NDUFAF1: variants seen among roughly 807,000 people sequenced by gnomAD.
NDUFAF1 encodes the protein complex I intermediate-associated protein 30, mitochondrial.
NDUFAF1 carries 18 observed loss-of-function variants against 28.7 expected under a neutral mutation model. The observed-to-expected ratio is 0.63, with a 90% confidence interval of 0.43 to 0.93. The LOEUF is 0.93. Ranked by LOEUF, NDUFAF1 falls within the 40% of genes least tolerant of loss-of-function variation. The pLI, the probability that NDUFAF1 is intolerant of heterozygous loss-of-function variation, is 0.00. For missense variants in NDUFAF1, 404 were observed against 398.3 expected (o/e 1.01, Z -0.12); for synonymous variants, 113 against 139.7 (o/e 0.81, Z 1.35).
intron 3 of NDUFAF1, chr15:41,394,144 T>G: frequency 2.3e-6 from 1 of 432,714 alleles, no homozygotes; most frequent in Non-Finnish European, 4.7e-6. Flanking sequence ...TTATCCTGCC[T>G]TAGCCTCCCG....
intron 3 of NDUFAF1, among the ~76,000 whole-genome samples, chr15:41,389,185 C>T (rs113336722): frequency 0.025 from 3,789 of 151,582 alleles, 68 homozygotes; most frequent in Middle Eastern, 0.076. Flanking sequence ...CAGGTTCAAG[C>T]GATTCTCCCA....
rs527415814 is a variant in NDUFAF1 at position 41,396,988 on chromosome 15, C to A, written c.72G>T (p.Leu24Phe). 1 of 1,612,250 alleles carries A rather than the reference C, an allele frequency of 6.2e-7. No individual in the cohort carries two copies. Among genetic ancestry groups the A allele is most frequent in the Admixed American group, 1.7e-5 (1 of 59,516 alleles). ...LRKFSKPTSALYPFLGIRFAE... is the reference protein window; with the variant it reads ...LRKFSKPTSAFYPFLGIRFAE... The stretch of plus-strand genomic sequence containing the variant: ...CAAAGCGAATACCCAAAAATGGATA[C>A]AAGGCAGAAGTTGGCTTAGAGAATT... The change falls in exon 2 of 5, where the codon TTG (leucine) becomes TTT (phenylalanine). Residue 24 changes from leucine to phenylalanine, a missense_variant. Transcript: ENST00000260361.
Position 41,387,591 on chromosome 15 carries a change from G to C in NDUFAF1, c.837C>G (p.Ile279Met). 2 of 1,604,222 alleles carry C rather than the reference G, an allele frequency of 1.2e-6. No individual in the cohort carries two copies. Among genetic ancestry groups the C allele is most frequent in the Middle Eastern group, 1.7e-4 (1 of 6,044 alleles). ...DVQHELPLDK[I>M]SSIGFTLADK... is the part of the protein sequence containing the mutation. ...CAGCCAAGGTGAATCCTATAGAAGA[G>C]ATCTAAATTTAAAATACAGAAATTG... is the stretch of plus-strand genomic sequence containing the variant. The change falls in exon 5 of 5, where the codon ATC becomes ATG. Residue 279 changes from isoleucine to methionine, a missense_variant and splice_region_variant. By Grantham distance (10) the Ile-to-Met change is conservative (BLOSUM62 1). Transcript: ENST00000260361.
rs184254573 is a variant in NDUFAF1 at position 41,391,343 on chromosome 15, G to A, written c.760-2821C>T. ...ACAGAATTTACAGAATTTAGGGCCA[G>A]GTGTGGTGGCTCAAACGCCTATAAT... On this transcript the variant is annotated intron_variant, in intron 3 of 4. Transcript: ENST00000260361. Among the ~76,000 whole-genome samples the A allele has an allele frequency of 8.7e-4, 132 of 152,142 alleles. 1 individual carries two copies. In the East Asian group the frequency reaches 0.021, roughly 25 times the overall value.
upstream of NDUFAF1, chr15:41,402,593 G>A (rs2050480774): frequency 4.4e-6 from 1 of 227,686 alleles, no homozygotes; most frequent in South Asian, 5.3e-5. Context: ...CAAGGACCCC[G>A]TAGCCCAGCC....
chr15:41,389,284 G>A (rs1006232371), intron 3 of NDUFAF1, among the ~76,000 whole-genome samples: 3 of 138,190 alleles, frequency 2.2e-5, no homozygotes, highest in African/African-American at 8.2e-5. Flanking sequence ...TAGAGACGGT[G>A]TTTCACCATG....
chr15:41,387,555 A>G lies in NDUFAF1; in HGVS notation c.873T>C (p.Asp291=). ...SIGFTLADKV[D]GPFFLEIDFI... ...AATCTATCTCCAGGAAGAATGGACC[A>G]TCCACTTTATCAGCCAAGGTGAATC... Residue 291 remains aspartate (D), a synonymous_variant, in exon 5 of 5, where the codon GAT becomes GAC. Coordinates refer to ENST00000260361, the MANE Select transcript of NDUFAF1 (RefSeq NM_016013.4). 1 of 1,611,690 alleles carries G rather than the reference A, an allele frequency of 6.2e-7. No individual in the cohort carries two copies. Among genetic ancestry groups the G allele is most frequent in the Non-Finnish European group, 8.5e-7 (1 of 1,177,794 alleles).
chr15:41,391,504 A>T (rs1033335775), intron 3 of NDUFAF1, among the ~76,000 whole-genome samples: 1 of 151,616 alleles, frequency 6.6e-6, no homozygotes. Context: ...ACACGCCTGT[A>T]GTCCCAGCAG....
chr15:41,401,256 C>T (rs1198737498), intron 1 of NDUFAF1, among the ~76,000 whole-genome samples: 1 of 147,504 alleles, frequency 6.8e-6, no homozygotes, highest in East Asian at 2.0e-4. Flanking sequence ...GCGTCAGCCA[C>T]GGCGCCCAAC....
chr15:41,396,901 C>T lies in NDUFAF1; in HGVS notation c.159G>A (p.Arg53=). The T allele has an allele frequency of 6.2e-7, 1 of 1,614,154 alleles. No homozygotes were observed. The highest frequency in any genetic ancestry group is 8.5e-7 in the Non-Finnish European group (1 of 1,180,038). Residue 53 remains arginine, a synonymous_variant, in exon 2 of 5, where the codon AGG becomes AGA. Coordinates refer to ENST00000260361, the MANE Select transcript of NDUFAF1 (RefSeq NM_016013.4). The part of the protein sequence containing the change: ...VASPGKASSQ[R]KTEGDLQGDH... ...CTCCTTGCAAATCCCCTTCAGTCTTCCTCTGTGAGGAGGCTTTGCCAGGAG... is the reference window on the plus strand; with the variant it reads ...CTCCTTGCAAATCCCCTTCAGTCTTTCTCTGTGAGGAGGCTTTGCCAGGAG...
chr15:41,391,720 G>A (rs1261717328), intron 3 of NDUFAF1, among the ~76,000 whole-genome samples: 1 of 152,066 alleles, frequency 6.6e-6, no homozygotes, highest in Non-Finnish European at 1.5e-5. Context: ...TAAGTTCTAT[G>A]AAGAAAGTTA....
chr15:41,387,395 G>T lies in NDUFAF1; in HGVS notation c.*49C>A. On this transcript the variant is annotated 3_prime_UTR_variant, in exon 5 of 5. Transcript: ENST00000260361. ...AATATTTTATTTTGTCTATATCATT[G>T]TAGATGCTAGTACCCTTAGATTAGT... is the stretch of plus-strand genomic sequence containing the variant. 6.6e-7 allele frequency: 1 copy of T among 1,511,578 alleles called. No individual in the cohort carries two copies. Among genetic ancestry groups the T allele is most frequent in the Non-Finnish European group, 9.2e-7 (1 of 1,092,740 alleles). 93.6% of individuals were successfully genotyped at this position (1,511,578 alleles called of 1,614,324 possible). A position where few individuals can be genotyped will look rare whatever the true frequency, so the allele number is the denominator to read the frequency against.
chr15:41,397,051 C>G lies in NDUFAF1; in HGVS notation c.9G>C (p.Leu3Phe). 6.2e-7 allele frequency: 1 copy of G among 1,613,232 alleles called. No individual in the cohort carries two copies. Among genetic ancestry groups the G allele is most frequent in the South Asian group, 1.1e-5 (1 of 90,960 alleles). MA[L>F]VHKLLRGTYF... ...AAGTACCACGCAGCAATTTGTGAAC[C>G]AAAGCCATGGTACAAAAAAATCAAA... The change falls in exon 2 of 5, where the codon TTG becomes TTC. Residue 3 changes from leucine to phenylalanine, a missense_variant. Coordinates refer to ENST00000260361, the MANE Select transcript of NDUFAF1 (RefSeq NM_016013.4).
rs568965928 is a variant in NDUFAF1, at chr15:41,394,919, C to T, written c.699G>A (p.Thr233=). 9.9e-6 allele frequency: 16 copies of T among 1,614,124 alleles called. No homozygotes were observed. Among genetic ancestry groups the T allele is most frequent in the Middle Eastern group, 1.6e-4 (1 of 6,062 alleles). Residue 233 remains threonine, a synonymous_variant, in exon 3 of 5, where the codon ACG becomes ACA. Transcript: ENST00000260361. ...IKEDTDFFQR[T]NQMYSYFMFT... ...ACATGAAGTAACTATACATCTGATT[C>T]GTCCTCTGGAAGAAATCTGTGTCCT... is the stretch of plus-strand genomic sequence containing the variant.
chr15:41,391,394 G>A (rs377647553), intron 3 of NDUFAF1, among the ~76,000 whole-genome samples: 151 of 152,084 alleles, frequency 9.9e-4, no homozygotes, highest in Non-Finnish European at 1.8e-3. Context: ...GGCGAGTCGG[G>A]TGGATCACTT....
rs1378297347 is a variant in NDUFAF1, at chr15:41,395,017, C to T, written c.601G>A (p.Asp201Asn). 2.7e-5 allele frequency: 44 copies of T among 1,613,942 alleles called. No homozygotes were observed. Among genetic ancestry groups the T allele is most frequent in the Non-Finnish European group, 3.6e-5 (42 of 1,180,022 alleles). The part of the protein sequence containing the change: ...RGAFERKMSY[D>N]WSQFNTLYLR... ...TACAGAGTATTGAACTGGGACCAAT[C>T]GTAAGACATCTTCCTCTCAAAAGCA... The change falls in exon 3 of 5, where the codon GAT (aspartate) becomes AAT (asparagine). Residue 201 changes from aspartate to asparagine, a missense_variant. Coordinates refer to ENST00000260361, the MANE Select transcript of NDUFAF1 (RefSeq NM_016013.4).
At chr15:41,397,509 TAG>T (rs2050406387) in intron 1 of NDUFAF1, among the ~76,000 whole-genome samples, 1 of 152,014 alleles carries the variant, frequency 6.6e-6, no homozygotes, top group Non-Finnish European at 1.5e-5. Context: ...GGTCAAGAGA[TAG>T]AGACTGGGCC....
chr15:41,388,183 T>A (rs2050274743), intron 4 of NDUFAF1, among the ~76,000 whole-genome samples: 1 of 152,112 alleles, frequency 6.6e-6, no homozygotes. Flanking sequence ...AACTCTTATT[T>A]TAAAGCTAAA....
At position 41,391,360 on chromosome 15, in the gene NDUFAF1, G is replaced by A. The variant is rs117358015; in HGVS notation, c.760-2838C>T. 1.7e-3 allele frequency among the ~76,000 whole-genome samples: 257 copies of A among 151,996 alleles called. 2 individuals are homozygous for A. The East Asian group carries it at 0.04, about 24-fold the overall frequency. On this transcript the variant is annotated intron_variant, in intron 3 of 4. Coordinates refer to ENST00000260361, the MANE Select transcript of NDUFAF1 (RefSeq NM_016013.4). ...TAGGGCCAGGTGTGGTGGCTCAAACGCCTATAATCCCAATACCTTGGGAGG... is the reference window on the plus strand; with the variant it reads ...TAGGGCCAGGTGTGGTGGCTCAAACACCTATAATCCCAATACCTTGGGAGG...
Sources: gnomAD v4.1 joint callset for allele counts (sites outside exome capture counted in the v4.1 genomes callset) on GRCh38, gnomAD v4.1.1 for gene constraint, MANE v1.5 for transcripts, NCBI Gene and HGNC (gene_info 2026-07-23, HGNC 2026-07-21) for gene names.